Variants in CFAP43 observed in about 807,000 individuals in gnomAD.
CFAP43 encodes the protein cilia and flagella associated protein 43.
CFAP43 carries 155 observed loss-of-function variants against 218.9 expected under a neutral mutation model. The ratio of observed to expected loss-of-function variants is 0.71; its 90% CI spans 0.62 to 0.81. CFAP43 has a LOEUF of 0.81. Ranked by LOEUF, CFAP43 falls within the 30% of genes least tolerant of loss-of-function variation. The pLI is 0.00. For synonymous variants in CFAP43, 645 were observed against 681.3 expected (o/e 0.95, Z 0.83); for missense variants, 1,778 against 1,954.3 (o/e 0.91, Z 1.70).
intron 16 of CFAP43, among the ~76,000 whole-genome samples, chr10:104,183,933 T>G (rs2089944757): frequency 1.3e-5 from 2 of 152,134 alleles, no homozygotes; most frequent in African/African-American, 4.8e-5. Flanking sequence ...CTCAAATGAG[T>G]TTTTGAGGTA....
At chr10:104,150,620 C>T (rs965257084) in intron 28 of CFAP43, among the ~76,000 whole-genome samples, 17 of 152,292 alleles carry the variant, frequency 1.1e-4, no homozygotes, top group African/African-American at 4.1e-4. Flanking sequence ...TCCAGTGTTG[C>T]ACCATCTTTT....
Position 104,179,759 on chromosome 10 carries a change from C to T in CFAP43, c.2382+81G>A, listed in dbSNP as rs964176917. On this transcript the variant is annotated intron_variant, in intron 18 of 37. Coordinates refer to ENST00000357060, the MANE Select transcript of CFAP43 (RefSeq NM_025145.7). ...TGTCTCATTCCATCTTCTAACTTTC[C>T]AGTAGGTTTCCATAGGAAACTAATC... is the stretch of plus-strand genomic sequence containing the variant. 4.7e-6 allele frequency: 5 copies of T among 1,058,128 alleles called. No individual in the cohort carries two copies. In the African/African-American group the frequency reaches 6.4e-5, roughly 13 times the overall value. 65.5% of individuals were successfully genotyped at this position (1,058,128 alleles called of 1,614,324 possible). A position where few individuals can be genotyped will look rare whatever the true frequency, so the allele number is the denominator to read the frequency against.
intron 12 of CFAP43, 37 bp from the exon 13 acceptor site, chr10:104,188,447 T>C (rs2090103617): frequency 3.1e-6 from 5 of 1,601,660 alleles, no homozygotes; most frequent in African/African-American, 1.3e-5. Context: ...CAAGTGGTCA[T>C]TGATAAGTTT....
At chr10:104,208,657 AT>A (rs968179652) in intron 5 of CFAP43, among the ~76,000 whole-genome samples, 4 of 152,340 alleles carry the variant, frequency 2.6e-5, no homozygotes, top group African/African-American at 9.6e-5. Flanking sequence ...ATCAGAAATC[AT>A]TTTGATCACA....
chr10:104,214,458 G>A, intron 3 of CFAP43, 32 bp from the exon 4 acceptor site: 1 of 1,512,496 alleles, frequency 6.6e-7, no homozygotes, highest in Admixed American at 2.2e-5. Flanking sequence ...ATGAAAAAAA[G>A]TTCATTTGAA....
chr10:104,223,906 C>T (rs902483426), intron 3 of CFAP43, among the ~76,000 whole-genome samples: 3 of 152,052 alleles, frequency 2.0e-5, no homozygotes, highest in African/African-American at 7.2e-5. Context: ...AGAAGCCCGA[C>T]AAAAGAATAT....
chr10:104,179,517 A>G (rs1222172196), intron 18 of CFAP43, among the ~76,000 whole-genome samples: 1 of 152,212 alleles, frequency 6.6e-6, no homozygotes, highest in Admixed American at 6.5e-5. Flanking sequence ...TCCACAGGAC[A>G]GAGGAAGACA....
chr10:104,143,343 C>CT lies in CFAP43; in HGVS notation c.4158+82dup, dbSNP rs1019336830. 9.1e-6 allele frequency: 11 copies of CT among 1,210,718 alleles called. No individual in the cohort carries two copies. The African/African-American group carries it at 1.2e-4, about 14-fold the overall frequency. The allele number at this position is 1,210,718 out of a possible 1,614,324, so 75.0% of individuals were successfully genotyped here. A position where few individuals can be genotyped will look rare whatever the true frequency, so the allele number is the denominator to read the frequency against. ...CTAGCAGGGAAACCTAAATAATTAG[C>CT]TTTTTTGGTTACACTGACCAATGTA... On this transcript the variant is annotated intron_variant, in intron 32 of 37. Transcript: ENST00000357060.
At chr10:104,203,396 A>C (rs2090589191) in intron 8 of CFAP43, 2 of 385,954 alleles carry the variant, frequency 5.2e-6, no homozygotes, top group Non-Finnish European at 9.2e-6. Flanking sequence ...CAGAGAGGAA[A>C]CAGAGCCAAG....
chr10:104,182,477 G>C lies in CFAP43; in HGVS notation c.2178C>G (p.Asp726Glu). ...GGGAAATTAATAGTTTCTGGTAATA[G>C]TCCAGAATTTCACTGGCTAGGTGTC... ...FGGHLASEIL[D>E]YYQKLLISLS... is the part of the protein sequence containing the mutation. The change falls in exon 17 of 38, where the codon GAC (aspartate) becomes GAG (glutamate). Residue 726 changes from aspartate to glutamate, a missense_variant. Coordinates refer to ENST00000357060, the MANE Select transcript of CFAP43 (RefSeq NM_025145.7). 1 of 1,611,534 alleles carries C rather than the reference G, an allele frequency of 6.2e-7. No individual in the cohort carries two copies. Among genetic ancestry groups the C allele is most frequent in the Non-Finnish European group, 8.5e-7 (1 of 1,179,212 alleles).
At chr10:104,158,171 C>T (rs1050623565) in intron 27 of CFAP43, among the ~76,000 whole-genome samples, 3 of 152,054 alleles carry the variant, frequency 2.0e-5, no homozygotes, top group East Asian at 1.9e-4. Flanking sequence ...AGAAAGGCAC[C>T]GTTTTGCAAT....
chr10:104,140,629 G>A (rs2087662685), intron 34 of CFAP43, among the ~76,000 whole-genome samples: 1 of 152,114 alleles, frequency 6.6e-6, no homozygotes, highest in South Asian at 2.1e-4. Context: ...AACATATTAA[G>A]ACTCTGTTTT....
At chr10:104,207,181 C>A (rs867348018) in intron 6 of CFAP43, among the ~76,000 whole-genome samples, 20 of 148,514 alleles carry the variant, frequency 1.3e-4, no homozygotes, top group African/African-American at 3.2e-4. Context: ...TAAAAAAAAA[C>A]CAAAAAAACA....
Position 104,148,514 on chromosome 10 carries a change from G to T in CFAP43, c.3661-516C>A, listed in dbSNP as rs188915883. Reference sequence around the variant, plus strand: ...GTGGGGCCTCATGGGAGGTGTTTGGGTCATGGGTATGGGTCCCTCATGAAT... The same window carrying T: ...GTGGGGCCTCATGGGAGGTGTTTGGTTCATGGGTATGGGTCCCTCATGAAT... On this transcript the variant is annotated intron_variant, in intron 28 of 37. Transcript: ENST00000357060. 3.5e-4 allele frequency among the ~76,000 whole-genome samples: 54 copies of T among 152,264 alleles called. 1 individual carries two copies. The East Asian group carries it at 5.4e-3, about 15-fold the overall frequency.
At chr10:104,155,240 G>A (rs115138023) in intron 27 of CFAP43, among the ~76,000 whole-genome samples, 33 of 152,246 alleles carry the variant, frequency 2.2e-4, no homozygotes, top group African/African-American at 6.0e-4. Flanking sequence ...TAAACTTGGC[G>A]ATGTCTCTGG....
At chr10:104,198,067 CA>C in intron 8 of CFAP43, 29 bp from the exon 9 acceptor site, 1 of 1,340,788 alleles carries the variant, frequency 7.5e-7, no homozygotes, top group East Asian at 2.3e-5. Context: ...AAAAGAAACA[CA>C]TTGTAATTGT....
At chr10:104,133,829 A>C in intron 34 of CFAP43, 45 bp from the exon 35 acceptor site, 2 of 1,460,226 alleles carry the variant, frequency 1.4e-6, no homozygotes, top group African/African-American at 1.4e-5. Flanking sequence ...GATTCTGCAT[A>C]TAGAACATAG....
intron 24 of CFAP43, among the ~76,000 whole-genome samples, chr10:104,162,649 T>A (rs1240494329): frequency 6.6e-6 from 1 of 151,518 alleles, no homozygotes; most frequent in Non-Finnish European, 1.5e-5. Context: ...ACAGGGAACC[T>A]GATAGATTAA....
intron 34 of CFAP43, among the ~76,000 whole-genome samples, chr10:104,139,676 T>A (rs763333226): frequency 5.3e-5 from 8 of 152,066 alleles, no homozygotes; most frequent in South Asian, 4.1e-4. Flanking sequence ...CTTTTTCAGA[T>A]AAAGAAAAAT....
Sources: allele counts gnomAD v4.1 joint callset (sites outside exome capture counted in the v4.1 genomes callset), GRCh38; gene constraint gnomAD v4.1.1; transcripts MANE v1.5; gene names NCBI Gene and HGNC (gene_info 2026-07-23, HGNC 2026-07-21).